IL1R2: variants seen among roughly 807,000 people sequenced by gnomAD.
IL1R2 encodes the protein interleukin-1 receptor type 2.
A neutral mutation model predicts 39.5 loss-of-function variants in IL1R2; 46 were observed. The observed-to-expected ratio is 1.16, with a 90% confidence interval of 0.92 to 1.49. IL1R2 has a LOEUF of 1.49. Among genes scored for constraint, IL1R2 ranks in the 40% most tolerant of loss-of-function variants. IL1R2 has a pLI of 0.00. For synonymous variants in IL1R2, 207 were observed against 189.6 expected, an observed-to-expected ratio of 1.09 and a Z score of -0.75; for missense variants, 537 against 502.0, an observed-to-expected ratio of 1.07 and a Z score of -0.67.
At chr2:102,002,358 CTG>C (rs1675914152) in intron 1 of IL1R2, among the ~76,000 whole-genome samples, 1 of 146,066 alleles carries the variant, frequency 6.8e-6, no homozygotes, top group Non-Finnish European at 1.5e-5. Flanking sequence ...GTGTCTGTGT[CTG>C]TGTCTGTGTG....
chr2:102,025,966 T>A (rs1345953556), intron 7 of IL1R2, 145 bp from the exon 8 acceptor site: 1 of 617,916 alleles, frequency 1.6e-6, no homozygotes, highest in African/African-American at 1.8e-5. Context: ...ACAAGTATGG[T>A]GGCAAGAGCT....
In IL1R2 at chr2:102,024,618, C is replaced by T. The variant is rs769231447; in HGVS notation, c.837C>T (p.Thr279=). The T allele has an allele frequency of 1.9e-6, 3 of 1,614,068 alleles. No individual in the cohort carries two copies. Among genetic ancestry groups the T allele is most frequent in the South Asian group, 1.1e-5 (1 of 91,084 alleles). Residue 279 remains threonine (T), a synonymous_variant, in exon 7 of 9, where the codon ACC becomes ACT. Transcript: ENST00000332549. ...TTMLWWTAND[T]HIESAYPGGR... is the part of the protein sequence containing the mutation. The stretch of plus-strand genomic sequence containing the variant: ...TGCTGTGGTGGACGGCCAATGACAC[C>T]CACATAGAGAGCGCCTACCCGGGAG...
chr2:101,998,152 G>C (rs1675681430), intron 1 of IL1R2, among the ~76,000 whole-genome samples: 1 of 152,198 alleles, frequency 6.6e-6, no homozygotes, highest in Non-Finnish European at 1.5e-5. Flanking sequence ...AGAGGAGTTT[G>C]AACAAAATTT....
chr2:102,022,200 G>T lies in IL1R2; in HGVS notation c.702G>T (p.Glu234Asp). ...IELRIKKKKE[E>D]TIPVIISPLK... ...CATCTTTCTCAGAAAAAAAAGAAGA[G>T]ACCATTCCTGTGATCATTTCCCCCC... Residue 234 changes from glutamate (E) to aspartate (D), a missense_variant, in exon 6 of 9, where the codon GAG (glutamate) becomes GAT (aspartate). Coordinates refer to ENST00000332549, the MANE Select transcript of IL1R2 (RefSeq NM_004633.4). 1 of 1,613,598 alleles carries T rather than the reference G, an allele frequency of 6.2e-7. No individual in the cohort carries two copies. The highest frequency in any genetic ancestry group is 8.5e-7 in the Non-Finnish European group (1 of 1,179,498).
At chr2:102,004,423 G>T (rs1303231832) in intron 1 of IL1R2, among the ~76,000 whole-genome samples, 1 of 148,604 alleles carries the variant, frequency 6.7e-6, no homozygotes, top group Non-Finnish European at 1.5e-5. Flanking sequence ...TTTTTCTTAT[G>T]CCTGGTCCTG....
chr2:102,009,862 T>C, intron 3 of IL1R2, 36 bp downstream of exon 3: 2 of 1,604,738 alleles, frequency 1.2e-6, no homozygotes, highest in East Asian at 2.2e-5. Context: ...GAGGGGATCC[T>C]GGCAGGATGG....
rs1027653657 is a variant in IL1R2 at position 102,009,766 on chromosome 2, G to T, written c.272G>T (p.Gly91Val). The T allele has an allele frequency of 6.2e-7, 1 of 1,614,224 alleles. No homozygotes were observed. The highest frequency in any genetic ancestry group is 8.5e-7 in the Non-Finnish European group (1 of 1,180,036). Residue 91 changes from glycine (G) to valine (V), a missense_variant, in exon 3 of 9, where the codon GGT becomes GTT. Transcript: ENST00000332549. ...EEETRMWAQD[G>V]ALWLLPALQE... The stretch of plus-strand genomic sequence containing the variant: ...GAGACACGGATGTGGGCCCAGGACG[G>T]TGCTCTGTGGCTTCTGCCAGCCTTG...
At chr2:102,003,840 T>TCTGTGTCTGTGG (rs1553613733) in intron 1 of IL1R2, among the ~76,000 whole-genome samples, 2 of 102,880 alleles carry the variant, frequency 1.9e-5, no homozygotes, top group Middle Eastern at 4.5e-3. Context: ...TGTGTCTGTG[T>TCTGTGTCTGTGG]CTGTGTCTGT....
intron 3 of IL1R2, among the ~76,000 whole-genome samples, chr2:102,012,506 G>T (rs979706138): frequency 2.0e-5 from 3 of 151,910 alleles, no homozygotes; most frequent in Admixed American, 1.3e-4. Flanking sequence ...TATGTGGGGG[G>T]TGGGAGGAGA....
intron 7 of IL1R2, 102 bp from the exon 8 acceptor site, chr2:102,026,009 C>A (rs1450115781): frequency 1.2e-6 from 1 of 863,880 alleles, no homozygotes; most frequent in Non-Finnish European, 1.8e-6. Flanking sequence ...ACAATAAAAG[C>A]GCAATGGGTA....
chr2:102,019,773 C>A lies in IL1R2; in HGVS notation c.649C>A (p.Gln217Lys), dbSNP rs768958607. ...CVLTFAHEGQ[Q>K]YNITRSIELR... is the part of the protein sequence containing the mutation. ...CCTGACATTTGCCCATGAAGGCCAGCAATACAACATCACTAGGAGTATTGA... is the reference window on the plus strand; with the variant it reads ...CCTGACATTTGCCCATGAAGGCCAGAAATACAACATCACTAGGAGTATTGA... The change falls in exon 5 of 9, where the codon CAA (glutamine) becomes AAA (lysine). Residue 217 changes from glutamine to lysine, a missense_variant. Physicochemically the swap from Gln to Lys is moderately conservative, Grantham distance 53. Coordinates refer to ENST00000332549, the MANE Select transcript of IL1R2 (RefSeq NM_004633.4). The A allele has an allele frequency of 2.2e-5, 35 of 1,613,976 alleles. No homozygotes were observed. The highest frequency in any genetic ancestry group is 8.5e-7 in the Non-Finnish European group (1 of 1,180,014).
At chr2:102,026,044 T>C in intron 7 of IL1R2, 67 bp from the exon 8 acceptor site, 2 of 1,292,404 alleles carry the variant, frequency 1.5e-6, no homozygotes, top group Non-Finnish European at 2.2e-6. Flanking sequence ...TGTTTAGATG[T>C]CTACATTGTG....
At chr2:102,011,134 A>G (rs1676603576) in intron 3 of IL1R2, among the ~76,000 whole-genome samples, 1 of 152,148 alleles carries the variant, frequency 6.6e-6, no homozygotes, top group Admixed American at 6.5e-5. Flanking sequence ...TTGTTTATCT[A>G]TTTATCCATC....
At chr2:101,996,055 T>C (rs1326901200) in intron 1 of IL1R2, among the ~76,000 whole-genome samples, 1 of 152,054 alleles carries the variant, frequency 6.6e-6, no homozygotes, top group Non-Finnish European at 1.5e-5. Flanking sequence ...AGCTGTGAAA[T>C]GCACAGGCCT....
At chr2:102,006,472 C>G (rs527482817) in intron 1 of IL1R2, among the ~76,000 whole-genome samples, 1 of 152,232 alleles carries the variant, frequency 6.6e-6, no homozygotes, top group African/African-American at 2.4e-5. Flanking sequence ...TCAGGGTTCC[C>G]CACTCACGAG....
intron 6 of IL1R2, among the ~76,000 whole-genome samples, chr2:102,022,965 A>G (rs750102740): frequency 1.3e-5 from 2 of 152,148 alleles, no homozygotes; most frequent in Non-Finnish European, 2.9e-5. Flanking sequence ...AATTTTCCAA[A>G]AGGAAAAAGC....
chr2:102,018,477 G>C (rs572329429), intron 4 of IL1R2, among the ~76,000 whole-genome samples: 26 of 152,330 alleles, frequency 1.7e-4, no homozygotes, highest in African/African-American at 6.0e-4. Context: ...GGAATCATGT[G>C]TATGAAGCAC....
chr2:102,027,110 C>T (rs896426274), intron 8 of IL1R2, among the ~76,000 whole-genome samples: 1 of 152,212 alleles, frequency 6.6e-6, no homozygotes, highest in Non-Finnish European at 1.5e-5. Context: ...ACCTGAGCCA[C>T]TGGTCACAAA....
rs377746418 is a variant in IL1R2 at position 102,006,231 on chromosome 2, A to AT, written c.-61-2284_-61-2283insT. Among the ~76,000 whole-genome samples the AT allele has an allele frequency of 3.9e-3, 589 of 152,316 alleles. 4 individuals are homozygous for AT. The highest frequency in any genetic ancestry group is 0.013 in the African/African-American group (560 of 41,558). Reference sequence around the variant, plus strand: ...GGATGTGATAAGCTAATGCGTGTCCAAGGAGGACACAGCAGCTTGGTGGAT... The same window carrying AT: ...GGATGTGATAAGCTAATGCGTGTCCATAGGAGGACACAGCAGCTTGGTGGAT... On this transcript the variant is annotated intron_variant, in intron 1 of 8. Transcript: ENST00000332549.
Sources: gnomAD v4.1 joint callset for allele counts (sites outside exome capture counted in the v4.1 genomes callset) on GRCh38, gnomAD v4.1.1 for gene constraint, MANE v1.5 for transcripts, NCBI Gene and HGNC (gene_info 2026-07-23, HGNC 2026-07-21) for gene names.